The following ETV6 variants were observed in gnomAD, a reference collection of about 807,000 sequenced individuals.
ETV6 encodes transcription factor ETV6.
In ETV6, 16 loss-of-function variants were observed where a neutral mutation model predicts 51.1. The ratio of observed to expected loss-of-function variants is 0.31; its 90% confidence interval spans 0.21 to 0.48. The LOEUF (loss-of-function observed/expected upper bound fraction) is 0.48. Ranked by LOEUF, ETV6 falls within the 20% of genes least tolerant of loss-of-function variation. ETV6 has a pLI of 0.99. For missense variants in ETV6, 458 were observed against 594.8 expected (o/e 0.77, Z 2.39); for synonymous variants, 240 against 224.1 (o/e 1.07, Z -0.64).
At chr12:11,684,439 A>G (rs957035662) in intron 1 of ETV6, among the ~76,000 whole-genome samples, 1 of 152,196 alleles carries the variant, frequency 6.6e-6, no homozygotes, top group African/African-American at 2.4e-5. Flanking sequence ...AATAGATGGA[A>G]TATTACCTGT....
chr12:11,659,344 T>C (rs1864057308), intron 1 of ETV6, among the ~76,000 whole-genome samples: 2 of 152,314 alleles, frequency 1.3e-5, no homozygotes, highest in Non-Finnish European at 2.9e-5. Context: ...TAACCCTTTT[T>C]TGAGGAATTG....
chr12:11,662,341 G>T (rs965331278), intron 1 of ETV6, among the ~76,000 whole-genome samples: 8 of 152,212 alleles, frequency 5.3e-5, no homozygotes, highest in African/African-American at 1.9e-4. Flanking sequence ...GCAGCAAAGA[G>T]GGAAGAGGTG....
At chr12:11,683,190 C>G (rs548388227) in intron 1 of ETV6, among the ~76,000 whole-genome samples, 6 of 152,150 alleles carry the variant, frequency 3.9e-5, no homozygotes, top group Non-Finnish European at 8.8e-5. Flanking sequence ...ATTACAGGCG[C>G]GCTCCACCAT....
chr12:11,677,406 G>A (rs1431171204), intron 1 of ETV6, among the ~76,000 whole-genome samples: 2 of 152,134 alleles, frequency 1.3e-5, no homozygotes, highest in African/African-American at 2.4e-5. Context: ...GGCTGTATAC[G>A]GACATATATA....
intron 2 of ETV6, among the ~76,000 whole-genome samples, chr12:11,766,065 C>G (rs537947653): frequency 1.2e-4 from 19 of 152,212 alleles, no homozygotes; most frequent in South Asian, 4.2e-4. Context: ...AATGAAGAAG[C>G]AGGAGGAAGG....
intron 2 of ETV6, among the ~76,000 whole-genome samples, chr12:11,795,256 G>C (rs1032886422): frequency 1.9e-4 from 29 of 152,224 alleles, no homozygotes; most frequent in African/African-American, 6.3e-4. Context: ...TATTAAACTT[G>C]GGATAACTTA....
intron 2 of ETV6, among the ~76,000 whole-genome samples, chr12:11,753,962 G>C (rs1302302066): frequency 2.6e-5 from 4 of 152,200 alleles, no homozygotes; most frequent in African/African-American, 9.7e-5. Context: ...AACTGTAAAG[G>C]TGCCAGGGTC....
chr12:11,798,855 A>G (rs1243255732), intron 2 of ETV6, among the ~76,000 whole-genome samples: 2 of 152,140 alleles, frequency 1.3e-5, no homozygotes, highest in Non-Finnish European at 2.9e-5. Context: ...TTCCTTGGAG[A>G]TAGGAGTTAA....
chr12:11,876,628 A>C (rs1431307711), intron 5 of ETV6, among the ~76,000 whole-genome samples: 1 of 152,122 alleles, frequency 6.6e-6, no homozygotes, highest in African/African-American at 2.4e-5. Context: ...TAATCCATTC[A>C]TTTCATAACC....
At chr12:11,749,443 C>A (rs1249100957) in intron 1 of ETV6, among the ~76,000 whole-genome samples, 2 of 152,120 alleles carry the variant, frequency 1.3e-5, no homozygotes, top group African/African-American at 4.8e-5. Context: ...ACCACCACCC[C>A]CTCCTTTGTT....
At chr12:11,836,925 C>A (rs1259301881) in intron 2 of ETV6, among the ~76,000 whole-genome samples, 1 of 152,222 alleles carries the variant, frequency 6.6e-6, no homozygotes. Context: ...CATGTGTCCC[C>A]TAATGGGAAC....
intron 1 of ETV6, among the ~76,000 whole-genome samples, chr12:11,744,243 G>T (rs1055039925): frequency 6.6e-6 from 1 of 152,204 alleles, no homozygotes; most frequent in African/African-American, 2.4e-5. Flanking sequence ...TTAGCCCCAG[G>T]CAGGGACAAC....
At chr12:11,669,203 A>G (rs1159132354) in intron 1 of ETV6, among the ~76,000 whole-genome samples, 1 of 152,192 alleles carries the variant, frequency 6.6e-6, no homozygotes, top group Non-Finnish European at 1.5e-5. Context: ...TCATAGTAGA[A>G]CTCTTTAACC....
At chr12:11,650,349 C>CT (rs145572199) in intron 1 of ETV6, among the ~76,000 whole-genome samples, 189 bp downstream of exon 1, 2 of 149,212 alleles carry the variant, frequency 1.3e-5, no homozygotes, top group South Asian at 2.2e-4. Context: ...GCTACTCCCC[C>CT]CCACCGCCGA....
chr12:11,891,769 G>A lies in ETV6; in HGVS notation c.*723G>A. The A allele has an allele frequency of 2.7e-6, 1 of 366,490 alleles. No homozygotes were observed. The highest frequency in any genetic ancestry group is 5.3e-6 in the Non-Finnish European group (1 of 189,094). The allele number at this position is 366,490 out of a possible 1,614,324, so 22.7% of individuals were successfully genotyped here. A position where few individuals can be genotyped will look rare whatever the true frequency, so the allele number is the denominator to read the frequency against. On this transcript the variant is annotated 3_prime_UTR_variant, in exon 8 of 8. Transcript: ENST00000396373. Reference sequence around the variant, plus strand: ...TCTTGGAGAGTCTTGGGGATTGTTGGCACCTAAACAGAATCAGTGACCCGG... The same window carrying A: ...TCTTGGAGAGTCTTGGGGATTGTTGACACCTAAACAGAATCAGTGACCCGG...
chr12:11,690,634 A>G (rs1257650868), intron 1 of ETV6, among the ~76,000 whole-genome samples: 1 of 152,050 alleles, frequency 6.6e-6, no homozygotes, highest in African/African-American at 2.4e-5. Context: ...CATGCGTGTA[A>G]TCCTAGCTCT....
rs10528272 is a variant in ETV6, at chr12:11,872,494, CTTTTTTTTTT to C, written c.1009+2537_1009+2546del. 2.8e-5 allele frequency among the ~76,000 whole-genome samples: 4 copies of C among 142,648 alleles called. No homozygotes were observed. In the East Asian group the frequency reaches 5.9e-4, roughly 21 times the overall value. The allele number at this position is 142,648 out of a possible 152,430, so 93.6% of individuals were successfully genotyped here. The stretch of plus-strand genomic sequence containing the variant: ...ATATTAGTCTCTTAAAATTATATTA[CTTTTTTTTTT>C]TTTTTTTTTTTGAGACAGAGTCTCT... On this transcript the variant is annotated intron_variant, in intron 5 of 7. Coordinates refer to ENST00000396373, the MANE Select transcript of ETV6 (RefSeq NM_001987.5).
chr12:11,894,693 T>TC lies in ETV6; in HGVS notation c.*3649dup, dbSNP rs1329220043. The TC allele has an allele frequency of 4.3e-6, 1 of 233,086 alleles. No homozygotes were observed. Among genetic ancestry groups the TC allele is most frequent in the African/African-American group, 2.2e-5 (1 of 45,322 alleles). 14.4% of individuals were successfully genotyped at this position (233,086 alleles called of 1,614,324 possible). On this transcript the variant is annotated 3_prime_UTR_variant, in exon 8 of 8. Transcript: ENST00000396373. ...CATTCCCACCTTTCACTGCCTAGGC[T>TC]CCAAGTCTGAATACATTTTTGAAAT...
chr12:11,834,939 A>T (rs937502024), intron 2 of ETV6, among the ~76,000 whole-genome samples: 11 of 152,180 alleles, frequency 7.2e-5, no homozygotes, highest in African/African-American at 2.4e-4. Context: ...ATCAAATGTT[A>T]ATTCATGGCA....
Sources: allele counts gnomAD v4.1 joint callset (sites outside exome capture counted in the v4.1 genomes callset), GRCh38; gene constraint gnomAD v4.1.1; transcripts MANE v1.5; gene names NCBI Gene and HGNC (gene_info 2026-07-23, HGNC 2026-07-21).